KAZN: variants seen among roughly 807,000 people sequenced by gnomAD.
KAZN encodes the protein kazrin.
Under a neutral mutation model 87.4 loss-of-function variants are expected in KAZN, and 40 were observed. The observed-to-expected ratio is 0.46, with a 90% CI of 0.36 to 0.60. KAZN has a LOEUF of 0.60. KAZN is among the 20% of genes least tolerant of loss of function. KAZN has a pLI of 0.00. For synonymous variants in KAZN, 466 were observed against 458.3 expected, an observed-to-expected ratio of 1.02 and a Z score of -0.22; for missense variants, 898 against 1,073.9, an observed-to-expected ratio of 0.84 and a Z score of 2.29.
At chr1:14,379,091 T>C (rs890170993) in intron 2 of KAZN, among the ~76,000 whole-genome samples, 4 of 148,224 alleles carry the variant, frequency 2.7e-5, no homozygotes, top group Non-Finnish European at 6.0e-5. Context: ...TGAGGCCCCA[T>C]TTCCAGGCCT....
intron 1 of KAZN, among the ~76,000 whole-genome samples, chr1:14,899,553 T>C (rs1655628040): frequency 6.6e-6 from 1 of 152,228 alleles, no homozygotes; most frequent in Non-Finnish European, 1.5e-5. Flanking sequence ...ACATTTTGTC[T>C]GCATATCTGA....
At chr1:14,353,574 G>A (rs1381645375) in intron 2 of KAZN, among the ~76,000 whole-genome samples, 7 of 152,130 alleles carry the variant, frequency 4.6e-5, no homozygotes, top group Non-Finnish European at 8.8e-5. Context: ...TCTACTAGAC[G>A]TAGTAAGTGA....
intron 2 of KAZN, among the ~76,000 whole-genome samples, chr1:14,344,573 T>C (rs916926089): frequency 1.3e-5 from 2 of 151,964 alleles, no homozygotes; most frequent in Non-Finnish European, 2.9e-5. Flanking sequence ...GGAGAGAACA[T>C]AGACCTCAAA....
At chr1:14,669,957 T>C (rs532078352) in intron 1 of KAZN, among the ~76,000 whole-genome samples, 6 of 152,254 alleles carry the variant, frequency 3.9e-5, no homozygotes, top group Non-Finnish European at 7.4e-5. Context: ...GCCCTCAAGA[T>C]TACCATTGAC....
At chr1:14,134,297 C>A (rs1227468876) in intron 1 of KAZN, among the ~76,000 whole-genome samples, 1 of 152,144 alleles carries the variant, frequency 6.6e-6, no homozygotes, top group Non-Finnish European at 1.5e-5. Flanking sequence ...ATGGTCAGAT[C>A]AGTAGCTCCA....
At chr1:14,674,836 G>A (rs1640120850) in intron 1 of KAZN, among the ~76,000 whole-genome samples, 1 of 151,924 alleles carries the variant, frequency 6.6e-6, no homozygotes, top group South Asian at 2.1e-4. Flanking sequence ...GCCCAGGCTG[G>A]AGTGTAGTGG....
At chr1:14,931,255 G>A (rs1255348136) in intron 1 of KAZN, among the ~76,000 whole-genome samples, 2 of 151,300 alleles carry the variant, frequency 1.3e-5, no homozygotes, top group Non-Finnish European at 2.9e-5. Flanking sequence ...TGGGCAACAT[G>A]GTGAAACCCC....
intron 2 of KAZN, among the ~76,000 whole-genome samples, chr1:14,277,392 G>A (rs573075048): frequency 1.3e-5 from 2 of 152,238 alleles, no homozygotes; most frequent in South Asian, 2.1e-4. Flanking sequence ...ACGGCCAGGC[G>A]CAGTGGCTCA....
At position 14,015,459 on chromosome 1, in the gene KAZN, CTTTTTTTTTTTTTTTTTTTTT is replaced by C. The variant is rs70987713; in HGVS notation, c.91+121721_91+121741del. ...TATAAAGACAAGTGTGTTACATCTA[CTTTTTTTTTTTTTTTTTTTTT>C]TTTTTTTTTTTTTTTTTGAGATGGA... On this transcript the variant is annotated intron_variant, in intron 1 of 16. Transcript: ENST00000636203. Among the ~76,000 whole-genome samples, 10 of 25,102 alleles carry C rather than the reference CTTTTTTTTTTTTTTTTTTTTT, an allele frequency of 4.0e-4. No homozygotes were observed. In the East Asian group the frequency reaches 5.2e-3, roughly 13 times the overall value. 16.5% of individuals were successfully genotyped at this position (25,102 alleles called of 152,430 possible).
intron 1 of KAZN, among the ~76,000 whole-genome samples, chr1:13,959,524 T>C (rs1297222055): frequency 2.6e-5 from 4 of 152,240 alleles, no homozygotes; most frequent in South Asian, 2.1e-4. Flanking sequence ...AATGTCAGAA[T>C]TGATTGGCAG....
chr1:14,359,710 G>A (rs377668887), intron 2 of KAZN, among the ~76,000 whole-genome samples: 36 of 152,308 alleles, frequency 2.4e-4, no homozygotes, highest in Middle Eastern at 3.4e-3. Context: ...CGTTTGGCTG[G>A]ATATGAAATT....
In KAZN at chr1:14,913,096, T is replaced by C. The variant is rs193153849; in HGVS notation, c.227-47588T>C. Among the ~76,000 whole-genome samples the C allele has an allele frequency of 1.3e-3, 204 of 152,314 alleles. 2 individuals carry two copies. Among genetic ancestry groups the C allele is most frequent in the Middle Eastern group, 6.8e-3 (2 of 294 alleles). ...GCAACTGGGAGGCCCCGAGCTAGAC[T>C]TGAGAATCTTTAGGAGTGTGTGCTT... On this transcript the variant is annotated intron_variant, in intron 1 of 14. Coordinates refer to ENST00000376030, the MANE Select transcript of KAZN (RefSeq NM_201628.3).
chr1:14,611,416 G>A (rs1200353237), intron 1 of KAZN, among the ~76,000 whole-genome samples: 1 of 152,196 alleles, frequency 6.6e-6, no homozygotes, highest in African/African-American at 2.4e-5. Flanking sequence ...TTTTAGGTTT[G>A]TATTAGAATG....
intron 1 of KAZN, among the ~76,000 whole-genome samples, chr1:14,608,095 G>A (rs891915953): frequency 6.6e-6 from 1 of 152,224 alleles, no homozygotes; most frequent in Admixed American, 6.5e-5. Context: ...AGGTTCACAC[G>A]TTTGACTGAC....
At chr1:14,311,473 C>T (rs868401947) in intron 2 of KAZN, among the ~76,000 whole-genome samples, 51 of 152,020 alleles carry the variant, frequency 3.4e-4, no homozygotes, top group Non-Finnish European at 5.0e-4. Context: ...GTGGACCTTA[C>T]GGGGCTATAG....
At chr1:14,586,525 G>GT (rs371736294) in intron 2 of KAZN, among the ~76,000 whole-genome samples, 9,867 of 125,208 alleles carry the variant, frequency 0.079, 1,142 homozygotes, top group African/African-American at 0.25. Context: ...TTTCTTTCTG[G>GT]TTTTTTTTTT....
intron 1 of KAZN, among the ~76,000 whole-genome samples, chr1:14,864,426 G>A (rs1651217563): frequency 6.6e-6 from 1 of 152,142 alleles, no homozygotes; most frequent in Non-Finnish European, 1.5e-5. Flanking sequence ...AGCTGGACGT[G>A]GGGTGGGCGC....
chr1:14,640,883 G>A (rs371659149), intron 1 of KAZN, among the ~76,000 whole-genome samples: 127 of 152,216 alleles, frequency 8.3e-4, no homozygotes, highest in African/African-American at 3.0e-3. Flanking sequence ...GACCTCCCAC[G>A]TCCCTGATCA....
intron 2 of KAZN, among the ~76,000 whole-genome samples, chr1:14,561,765 G>A (rs866551678): frequency 5.9e-5 from 9 of 152,120 alleles, no homozygotes; most frequent in Non-Finnish European, 7.4e-5. Flanking sequence ...TTAGCCGGGC[G>A]TGGTGGCGGG....
Sources: allele counts gnomAD v4.1 joint callset (sites outside exome capture counted in the v4.1 genomes callset), GRCh38; gene constraint gnomAD v4.1.1; transcripts MANE v1.5; gene names NCBI Gene and HGNC (gene_info 2026-07-23, HGNC 2026-07-21).